Variants in SLC13A5 observed in about 807,000 individuals in gnomAD.
SLC13A5 encodes solute carrier family 13 member 5, also known as Na(+)/citrate cotransporter.
SLC13A5 carries 25 observed loss-of-function variants against 56.5 expected under a neutral mutation model. The observed-to-expected ratio is 0.44, with a 90% CI of 0.32 to 0.62. The LOEUF (loss-of-function observed/expected upper bound fraction) is 0.62. Among genes scored for constraint, SLC13A5 ranks in the 20% least tolerant of loss-of-function variants. The probability of loss-of-function intolerance (pLI) is 0.04; values close to 1 mark genes in which losing one functional copy is unlikely to be tolerated. For synonymous variants in SLC13A5, 307 were observed against 301.5 expected (o/e 1.02, Z -0.19); for missense variants, 649 against 737.8 (o/e 0.88, Z 1.39).
rs186951178 is a variant in SLC13A5, at chr17:6,691,140, T to C, written c.1276-200A>G. 7.2e-5 allele frequency among the ~76,000 whole-genome samples: 11 copies of C among 152,354 alleles called. No homozygotes were observed. In the East Asian group the frequency reaches 1.7e-3, roughly 24 times the overall value. ...GTATTTCCAGCCAGCTGGCCTACTATGTGGATTTACATACCCATATGCCTT... is the reference window on the plus strand; with the variant it reads ...GTATTTCCAGCCAGCTGGCCTACTACGTGGATTTACATACCCATATGCCTT... On this transcript the variant is annotated intron_variant, in intron 9 of 11. Coordinates refer to ENST00000433363, the MANE Select transcript of SLC13A5 (RefSeq NM_177550.5).
chr17:6,690,752 G>C (rs747104266), intron 10 of SLC13A5, 27 bp downstream of exon 10: 1 of 1,614,124 alleles, frequency 6.2e-7, no homozygotes, highest in Non-Finnish European at 8.5e-7. Flanking sequence ...AAATGGAAGG[G>C]CTCCTCCCCA....
Position 6,711,457 on chromosome 17 carries a change from A to G in SLC13A5, c.102+1775T>C, listed in dbSNP as rs1974020822. Among the ~76,000 whole-genome samples, 1 of 144,882 alleles carries G rather than the reference A, an allele frequency of 6.9e-6. No homozygotes were observed. The highest frequency in any genetic ancestry group is 2.3e-4 in the South Asian group (1 of 4,396). On this transcript the variant is annotated intron_variant, in intron 1 of 11. Coordinates refer to ENST00000433363, the MANE Select transcript of SLC13A5 (RefSeq NM_177550.5). This position sits in a 1 kb window ranked among gnomAD's most constrained non-coding sequence, Gnocchi z 4.0. ...CACACACACATACACACACATACAC[A>G]CACACTGAGTTAGGGTTTCCAGTTC... is the stretch of plus-strand genomic sequence containing the variant.
intron 1 of SLC13A5, among the ~76,000 whole-genome samples, chr17:6,709,934 A>C (rs1597681550): frequency 6.6e-6 from 1 of 152,216 alleles, no homozygotes; most frequent in Non-Finnish European, 1.5e-5. Context: ...GATGCCAGTA[A>C]GACTGTCTCC....
Position 6,692,514 on chromosome 17 carries a change from A to C in SLC13A5, c.1275+530T>G, listed in dbSNP as rs1029741129. 6.6e-6 allele frequency among the ~76,000 whole-genome samples: 1 copy of C among 152,196 alleles called. No individual in the cohort carries two copies. Among genetic ancestry groups the C allele is most frequent in the African/African-American group, 2.4e-5 (1 of 41,450 alleles). Reference sequence around the variant, plus strand: ...GAGGACAGCAGCAGCAAGCTAGCTCATCCCTCCCTCTGGCTCATTTCTTCC... The same window carrying C: ...GAGGACAGCAGCAGCAAGCTAGCTCCTCCCTCCCTCTGGCTCATTTCTTCC... On this transcript the variant is annotated intron_variant, in intron 9 of 11. Coordinates refer to ENST00000433363, the MANE Select transcript of SLC13A5 (RefSeq NM_177550.5). The surrounding 1 kb of genome is among the most constrained non-coding windows in gnomAD (Gnocchi z 5.5).
At position 6,711,620 on chromosome 17, in the gene SLC13A5, G is replaced by T. The variant is rs965423579; in HGVS notation, c.102+1612C>A. ...TGTGTTTGTGCGTGTGTTTTTGTGTGTGTTTGTGTTTGTGCGTGTGTTTTG... is the reference window on the plus strand; with the variant it reads ...TGTGTTTGTGCGTGTGTTTTTGTGTTTGTTTGTGTTTGTGCGTGTGTTTTG... On this transcript the variant is annotated intron_variant, in intron 1 of 11. Coordinates refer to ENST00000433363, the MANE Select transcript of SLC13A5 (RefSeq NM_177550.5). This position sits in a 1 kb window ranked among gnomAD's most constrained non-coding sequence, Gnocchi z 4.0. 6.6e-6 allele frequency among the ~76,000 whole-genome samples: 1 copy of T among 150,478 alleles called. No individual in the cohort carries two copies. Among genetic ancestry groups the T allele is most frequent in the Admixed American group, 6.6e-5 (1 of 15,116 alleles).
At chr17:6,708,909 C>T (rs1188914389) in intron 1 of SLC13A5, among the ~76,000 whole-genome samples, 1 of 152,072 alleles carries the variant, frequency 6.6e-6, no homozygotes, top group Non-Finnish European at 1.5e-5. Flanking sequence ...GCCATGTGGA[C>T]ATGAGGGTAA....
At chr17:6,700,873 G>A (rs1027379407) in intron 6 of SLC13A5, 131 bp downstream of exon 6, 1 of 1,344,222 alleles carries the variant, frequency 7.4e-7, no homozygotes, top group Non-Finnish European at 1.0e-6. Flanking sequence ...CAGACTAGCA[G>A]GAGACAGGGC....
intron 11 of SLC13A5, 31 bp from the exon 12 acceptor site, chr17:6,686,369 G>A (rs747534645): frequency 1.2e-6 from 2 of 1,613,534 alleles, no homozygotes; most frequent in South Asian, 1.1e-5. Context: ...GCACCCTGAG[G>A]CCTGCTGGGG....
Position 6,711,978 on chromosome 17 carries a change from G to T in SLC13A5, c.102+1254C>A, listed in dbSNP as rs768492767. On this transcript the variant is annotated intron_variant, in intron 1 of 11. Transcript: ENST00000433363. This position sits in a 1 kb window ranked among gnomAD's most constrained non-coding sequence, Gnocchi z 4.0. ...AGGGCCTGTGCTAGGCCCACCCAAG[G>T]GCTCCTCCCAGTCTCCCCCTCCCCC... is the stretch of plus-strand genomic sequence containing the variant. 1.2e-4 allele frequency among the ~76,000 whole-genome samples: 18 copies of T among 152,082 alleles called. No homozygotes were observed. Among genetic ancestry groups the T allele is most frequent in the Non-Finnish European group, 2.5e-4 (17 of 68,008 alleles).
At position 6,713,159 on chromosome 17, in the gene SLC13A5, C is replaced by T. The variant is rs1974084402; in HGVS notation, c.102+73G>A. 3.4e-6 allele frequency: 5 copies of T among 1,479,500 alleles called. No individual in the cohort carries two copies. Among genetic ancestry groups the T allele is most frequent in the South Asian group, 2.3e-5 (2 of 85,620 alleles). The allele number at this position is 1,479,500 out of a possible 1,614,324, so 91.6% of individuals were successfully genotyped here. On this transcript the variant is annotated intron_variant, in intron 1 of 11. Coordinates refer to ENST00000433363, the MANE Select transcript of SLC13A5 (RefSeq NM_177550.5). The surrounding 1 kb of genome is among the most constrained non-coding windows in gnomAD (Gnocchi z 7.3). ...GAAATCCGTGCGCTCCAGCTCAGGG[C>T]TCCCGGGATCGGTGCCCGTTAGTGG...
intron 6 of SLC13A5, among the ~76,000 whole-genome samples, chr17:6,696,843 T>C (rs1413470084): frequency 1.3e-5 from 2 of 151,840 alleles, no homozygotes. Context: ...GACATAATCA[T>C]AGGAGGGAAG....
At chr17:6,706,598 G>A (rs774772910) in intron 3 of SLC13A5, 44 bp downstream of exon 3, 6 of 1,602,078 alleles carry the variant, frequency 3.7e-6, no homozygotes, top group Non-Finnish European at 4.3e-6. Context: ...CCAGCCCTGG[G>A]GCTCATGCAG....
At chr17:6,704,108 T>A (rs1352103098) in intron 3 of SLC13A5, 52 bp from the exon 4 acceptor site, 3 of 1,562,894 alleles carry the variant, frequency 1.9e-6, no homozygotes, top group Non-Finnish European at 2.6e-6. Flanking sequence ...CCCACCCCCG[T>A]ACTCCCTGGG....
chr17:6,703,520 G>A (rs539156526), intron 4 of SLC13A5, among the ~76,000 whole-genome samples: 1 of 152,340 alleles, frequency 6.6e-6, no homozygotes, highest in East Asian at 1.9e-4. Flanking sequence ...GATTTGAGCT[G>A]CTCGAGGAGG....
At chr17:6,690,241 C>A (rs1452769334) in intron 10 of SLC13A5, 1 of 164,018 alleles carries the variant, frequency 6.1e-6, no homozygotes, top group Admixed American at 5.6e-5. Flanking sequence ...CCCCAGGATC[C>A]CTTATCCCTG....
intron 8 of SLC13A5, among the ~76,000 whole-genome samples, chr17:6,693,729 G>A (rs1485539159): frequency 6.6e-6 from 1 of 152,106 alleles, no homozygotes; most frequent in African/African-American, 2.4e-5. Flanking sequence ...AAACAAATAG[G>A]ATTCAAACTG....
chr17:6,698,830 G>A (rs950618821), intron 6 of SLC13A5, among the ~76,000 whole-genome samples: 1 of 152,086 alleles, frequency 6.6e-6, no homozygotes, highest in African/African-American at 2.4e-5. Context: ...CGGAGGTTAG[G>A]AGTTCAAGAC....
chr17:6,700,174 A>G lies in SLC13A5; in HGVS notation c.839+830T>C, dbSNP rs572459315. ...CTGATCACCTTTGCACCACAGATAA[A>G]TTTGTGTGTTTTAGAAAAACAATAA... On this transcript the variant is annotated intron_variant, in intron 6 of 11. Transcript: ENST00000433363. Among the ~76,000 whole-genome samples, 148 of 152,192 alleles carry G rather than the reference A, an allele frequency of 9.7e-4. 1 individual carries two copies. The highest frequency in any genetic ancestry group is 3.4e-3 in the African/African-American group (141 of 41,506).
chr17:6,707,629 T>A (rs1973906780), intron 1 of SLC13A5, among the ~76,000 whole-genome samples: 2 of 152,146 alleles, frequency 1.3e-5, no homozygotes, highest in African/African-American at 4.8e-5. Flanking sequence ...GTTTTATTAT[T>A]ATTTTATTTT....
Sources: allele counts gnomAD v4.1 joint callset (sites outside exome capture counted in the v4.1 genomes callset), GRCh38; gene constraint gnomAD v4.1.1; non-coding constraint Gnocchi (gnomAD v3.1); transcripts MANE v1.5; gene names NCBI Gene and HGNC (gene_info 2026-07-23, HGNC 2026-07-21).